The following TMEM132D variants were observed in gnomAD, a reference collection of about 807,000 sequenced individuals.
TMEM132D encodes the protein mature OL transmembrane protein.
A neutral mutation model predicts 62.3 loss-of-function variants in TMEM132D; 21 were observed. The observed-to-expected ratio is 0.34, with a 90% CI of 0.24 to 0.49. TMEM132D has a LOEUF of 0.49. Ranked by LOEUF, TMEM132D falls within the 20% of genes least tolerant of loss-of-function variation. The probability of loss-of-function intolerance (pLI) is 0.99; values close to 1 mark genes in which losing one functional copy is unlikely to be tolerated. For synonymous variants in TMEM132D, 621 were observed against 575.6 expected (o/e 1.08, Z -1.13); for missense variants, 1,346 against 1,402.8 (o/e 0.96, Z 0.65).
intron 3 of TMEM132D, 132 bp downstream of exon 3, chr12:129,530,927 C>G (rs1876198733): frequency 4.2e-6 from 4 of 951,600 alleles, no homozygotes; most frequent in Non-Finnish European, 4.6e-6. Context: ...CCTGGAGGCC[C>G]TGATAGAATA....
intron 5 of TMEM132D, among the ~76,000 whole-genome samples, chr12:129,188,427 T>G (rs372032747): frequency 6.6e-6 from 1 of 152,182 alleles, no homozygotes; most frequent in Non-Finnish European, 1.5e-5. Flanking sequence ...CTTGATGAAA[T>G]AAATGCTCAC....
chr12:129,780,589 T>C (rs1871091525), intron 1 of TMEM132D, among the ~76,000 whole-genome samples: 1 of 152,030 alleles, frequency 6.6e-6, no homozygotes, highest in Admixed American at 6.6e-5. Flanking sequence ...CAAACTTTGC[T>C]TTACTTGCCT....
chr12:129,286,514 T>A (rs1593323781), intron 4 of TMEM132D, among the ~76,000 whole-genome samples: 1 of 152,186 alleles, frequency 6.6e-6, no homozygotes, highest in South Asian at 2.1e-4. Context: ...AATCACACTA[T>A]GAGATTCTGT....
At chr12:129,269,016 T>C (rs946646474) in intron 4 of TMEM132D, among the ~76,000 whole-genome samples, 1 of 103,048 alleles carries the variant, frequency 9.7e-6, no homozygotes, top group Non-Finnish European at 1.9e-5. Flanking sequence ...CCGGGGCCTG[T>C]TGTGGGGTGG....
intron 7 of TMEM132D, 22 bp from the exon 8 acceptor site, chr12:129,078,747 A>G (rs2135611744): frequency 1.9e-6 from 3 of 1,608,186 alleles, no homozygotes; most frequent in Non-Finnish European, 2.6e-6. Flanking sequence ...AAGCGACATG[A>G]CAAGGAAAGG....
chr12:129,261,121 TCCC>T (rs1436646942), intron 4 of TMEM132D, among the ~76,000 whole-genome samples: 2 of 152,196 alleles, frequency 1.3e-5, no homozygotes, highest in African/African-American at 4.8e-5. Context: ...TAACTTACAT[TCCC>T]ACCAGCAGTG....
intron 4 of TMEM132D, among the ~76,000 whole-genome samples, chr12:129,237,203 ACCTCTT>A (rs1238866336): frequency 6.6e-6 from 1 of 151,888 alleles, no homozygotes; most frequent in Non-Finnish European, 1.5e-5. Context: ...TGTAGTAGTT[ACCTCTT>A]CTTCAATTTT....
chr12:129,272,289 T>C (rs1880875660), intron 4 of TMEM132D, among the ~76,000 whole-genome samples: 1 of 151,790 alleles, frequency 6.6e-6, no homozygotes, highest in Non-Finnish European at 1.5e-5. Flanking sequence ...GACAGATCAG[T>C]AAGTTGTGTG....
chr12:129,760,660 CTTTTT>C (rs1344559886), intron 1 of TMEM132D, among the ~76,000 whole-genome samples: 88 of 133,914 alleles, frequency 6.6e-4, no homozygotes, highest in Non-Finnish European at 8.6e-4. Context: ...TTTTTTTTTT[CTTTTT>C]TTAAGTTCTG....
In TMEM132D at chr12:129,299,630, T is replaced by TTA. The variant is rs1387261177; in HGVS notation, c.1299+38003_1299+38004insTA. Among the ~76,000 whole-genome samples, 249 of 146,982 alleles carry TTA rather than the reference T, an allele frequency of 1.7e-3. 2 individuals carry two copies. The highest frequency in any genetic ancestry group is 5.8e-3 in the African/African-American group (238 of 40,686). ...AACTGGACACATTGAACAATCAGGT[T>TTA]TTTTTTTTTTTTTTTAGCTCTTGGA... On this transcript the variant is annotated intron_variant, in intron 4 of 8. Transcript: ENST00000422113.
intron 3 of TMEM132D, among the ~76,000 whole-genome samples, chr12:129,455,937 C>G (rs544297972): frequency 1.4e-3 from 217 of 152,220 alleles, no homozygotes; most frequent in African/African-American, 4.9e-3. Flanking sequence ...GAAGAATAGA[C>G]TCAAGAGGAG....
At chr12:129,482,788 T>A (rs1874466640) in intron 3 of TMEM132D, among the ~76,000 whole-genome samples, 1 of 152,190 alleles carries the variant, frequency 6.6e-6, no homozygotes, top group Admixed American at 6.5e-5. Context: ...TTGCCAACTT[T>A]AGATTTAGGT....
At chr12:129,238,415 G>A (rs1028685679) in intron 4 of TMEM132D, among the ~76,000 whole-genome samples, 1 of 152,106 alleles carries the variant, frequency 6.6e-6, no homozygotes, top group Non-Finnish European at 1.5e-5. Flanking sequence ...ACATCGTTGT[G>A]TAACCTATCT....
intron 5 of TMEM132D, among the ~76,000 whole-genome samples, chr12:129,108,623 C>T (rs1032946630): frequency 1.2e-4 from 19 of 152,242 alleles, no homozygotes; most frequent in Middle Eastern, 3.4e-3. Context: ...CTTCTATCTC[C>T]TCTGCCAATT....
chr12:129,778,854 T>C (rs1043026294), intron 1 of TMEM132D, among the ~76,000 whole-genome samples: 2 of 152,202 alleles, frequency 1.3e-5, no homozygotes, highest in African/African-American at 4.8e-5. Context: ...TTCTGGACTT[T>C]TCCATCATCA....
intron 5 of TMEM132D, among the ~76,000 whole-genome samples, chr12:129,142,674 C>T (rs1876778318): frequency 6.6e-6 from 1 of 152,152 alleles, no homozygotes; most frequent in Non-Finnish European, 1.5e-5. Flanking sequence ...CACTGTTTAA[C>T]GACTGGTAAG....
intron 2 of TMEM132D, among the ~76,000 whole-genome samples, chr12:129,589,239 T>G (rs943789567): frequency 6.6e-6 from 1 of 152,094 alleles, no homozygotes; most frequent in Non-Finnish European, 1.5e-5. Context: ...TCTCATGAGA[T>G]CTGATGGTTT....
intron 3 of TMEM132D, among the ~76,000 whole-genome samples, chr12:129,517,998 A>G (rs563483318): frequency 6.6e-6 from 1 of 152,178 alleles, no homozygotes; most frequent in Non-Finnish European, 1.5e-5. Flanking sequence ...TACCTGGCAA[A>G]AAGATAGTCA....
intron 3 of TMEM132D, among the ~76,000 whole-genome samples, chr12:129,519,089 G>A (rs1280970078): frequency 6.6e-6 from 1 of 152,068 alleles, no homozygotes; most frequent in African/African-American, 2.4e-5. Flanking sequence ...CTTTAATTAT[G>A]TCTTACCTGT....
Sources: gnomAD v4.1 joint callset for allele counts (sites outside exome capture counted in the v4.1 genomes callset) on GRCh38, gnomAD v4.1.1 for gene constraint, MANE v1.5 for transcripts, NCBI Gene and HGNC (gene_info 2026-07-23, HGNC 2026-07-21) for gene names.